The following CSMD1 variants were observed in gnomAD, a reference collection of about 807,000 sequenced individuals.
CSMD1 encodes the protein CUB and sushi domain-containing protein 1.
A neutral mutation model predicts 417.5 loss-of-function variants in CSMD1; 213 were observed. The ratio of observed to expected loss-of-function variants is 0.51; its 90% confidence interval spans 0.46 to 0.57. The LOEUF is 0.57. Among genes scored for constraint, CSMD1 ranks in the 20% least tolerant of loss-of-function variants. The pLI is 0.00. For synonymous variants in CSMD1, 2,862 were observed against 1,736.8 expected (o/e 1.65, Z -16.11); for missense variants, 6,923 against 4,529.7 (o/e 1.53, Z -15.17).
chr8:3,658,175 A>G (rs1798225244), intron 7 of CSMD1, among the ~76,000 whole-genome samples: 1 of 152,154 alleles, frequency 6.6e-6, no homozygotes, highest in South Asian at 2.1e-4. Context: ...ACTCCAGAAG[A>G]TACAATTTTC....
At position 3,443,156 on chromosome 8, in the gene CSMD1, G is replaced by C. The variant is rs144457203; in HGVS notation, c.1561+25556C>G. Among the ~76,000 whole-genome samples the C allele has an allele frequency of 1.2e-4, 18 of 152,238 alleles. No homozygotes were observed. The East Asian group carries it at 1.9e-3, about 16-fold the overall frequency. Reference sequence around the variant, plus strand: ...GTGAGCAGTGTACACTGCACACCACGTGTCACCTTCTGCTGCAAAAAAATG... The same window carrying C: ...GTGAGCAGTGTACACTGCACACCACCTGTCACCTTCTGCTGCAAAAAAATG... On this transcript the variant is annotated intron_variant, in intron 12 of 69. Coordinates refer to ENST00000635120, the MANE Select transcript of CSMD1 (RefSeq NM_033225.6).
At chr8:3,918,287 T>G (rs991021173) in intron 5 of CSMD1, among the ~76,000 whole-genome samples, 4 of 152,090 alleles carry the variant, frequency 2.6e-5, no homozygotes, top group Admixed American at 2.0e-4. Context: ...CAAACTCTTT[T>G]CATAAGGACT....
chr8:3,819,957 C>G (rs2623651), intron 5 of CSMD1, among the ~76,000 whole-genome samples: 9,027 of 152,186 alleles, frequency 0.059, 570 homozygotes, highest in African/African-American at 0.15. Flanking sequence ...AATAATTCAT[C>G]GTTTCCCGAA....
chr8:3,206,567 G>GTGTGTGTGTGTA (rs1186424382), intron 30 of CSMD1, among the ~76,000 whole-genome samples: 1 of 12,216 alleles, frequency 8.2e-5, no homozygotes, highest in African/African-American at 2.4e-4. Flanking sequence ...GTGTGTGTAT[G>GTGTGTGTGTGTA]TGTGTGTGTG....
chr8:4,310,895 G>A (rs944047636), intron 3 of CSMD1, among the ~76,000 whole-genome samples: 4 of 152,114 alleles, frequency 2.6e-5, no homozygotes, highest in African/African-American at 9.6e-5. Context: ...ACAAGCATAT[G>A]AAAAAAAGCT....
At chr8:4,491,239 G>C (rs538365192) in intron 2 of CSMD1, among the ~76,000 whole-genome samples, 5 of 152,102 alleles carry the variant, frequency 3.3e-5, no homozygotes, top group Non-Finnish European at 7.4e-5. Context: ...ATACTAAAAA[G>C]AAGAAAGAAA....
In CSMD1 at chr8:4,152,563, A is replaced by C. The variant is rs538456105; in HGVS notation, c.416-120464T>G. On this transcript the variant is annotated intron_variant, in intron 3 of 69. Transcript: ENST00000635120. ...AAATTAGCTAGTCATGGTGGTGCAC[A>C]CTTGTGTTCCCAACTCCTTGGGAGG... 6.6e-5 allele frequency among the ~76,000 whole-genome samples: 10 copies of C among 151,778 alleles called. No homozygotes were observed. In the East Asian group the frequency reaches 1.8e-3, roughly 27 times the overall value.
At chr8:3,654,522 G>C (rs1402549685) in intron 7 of CSMD1, among the ~76,000 whole-genome samples, 1 of 152,138 alleles carries the variant, frequency 6.6e-6, no homozygotes, top group Non-Finnish European at 1.5e-5. Context: ...ACTGTTAGGA[G>C]AACTTACAAA....
At chr8:4,775,562 T>C (rs1385130204) in intron 1 of CSMD1, among the ~76,000 whole-genome samples, 4 of 152,162 alleles carry the variant, frequency 2.6e-5, no homozygotes, top group Non-Finnish European at 2.9e-5. Flanking sequence ...TATGATTTAT[T>C]TATGAAAGAC....
At chr8:4,401,058 T>C (rs1804614488) in intron 3 of CSMD1, among the ~76,000 whole-genome samples, 2 of 152,182 alleles carry the variant, frequency 1.3e-5, no homozygotes, top group African/African-American at 4.8e-5. Context: ...CAATATGATA[T>C]ACTTGATTTT....
intron 20 of CSMD1, among the ~76,000 whole-genome samples, chr8:3,366,160 G>A (rs1809554100): frequency 6.6e-6 from 1 of 152,168 alleles, no homozygotes; most frequent in South Asian, 2.1e-4. Context: ...TTCGTCCAAA[G>A]CATCATATGC....
At chr8:3,346,813 G>A (rs1808033728) in intron 22 of CSMD1, among the ~76,000 whole-genome samples, 3 of 152,222 alleles carry the variant, frequency 2.0e-5, no homozygotes, top group Admixed American at 6.5e-5. Context: ...AATCTAAAAT[G>A]CATCATTATG....
chr8:4,816,451 C>G (rs758063829), intron 1 of CSMD1, among the ~76,000 whole-genome samples: 1 of 152,110 alleles, frequency 6.6e-6, no homozygotes, highest in Non-Finnish European at 1.5e-5. Context: ...TCGTCCCAAA[C>G]TCCTGACCTC....
At chr8:3,269,582 C>A (rs1179362655) in intron 26 of CSMD1, among the ~76,000 whole-genome samples, 1 of 152,190 alleles carries the variant, frequency 6.6e-6, no homozygotes, top group East Asian at 1.9e-4. Flanking sequence ...ACGGAGAAAT[C>A]AATCTCGCAA....
chr8:4,992,570 T>A (rs554629343), intron 1 of CSMD1, among the ~76,000 whole-genome samples: 1 of 152,254 alleles, frequency 6.6e-6, no homozygotes, highest in East Asian at 1.9e-4. Flanking sequence ...TCCTGTCCCT[T>A]GGGCTCCTGC....
At chr8:4,372,636 A>G (rs1320669891) in intron 3 of CSMD1, among the ~76,000 whole-genome samples, 1 of 67,448 alleles carries the variant, frequency 1.5e-5, no homozygotes, top group African/African-American at 7.8e-5. Flanking sequence ...AGTGTTAAAA[A>G]AAAAAAAAAA....
At chr8:4,184,317 A>C (rs181826401) in intron 3 of CSMD1, among the ~76,000 whole-genome samples, 5 of 152,192 alleles carry the variant, frequency 3.3e-5, no homozygotes, top group African/African-American at 1.2e-4. Flanking sequence ...GCTAACTCTT[A>C]AACATGAGTT....
intron 5 of CSMD1, among the ~76,000 whole-genome samples, chr8:3,819,843 C>T (rs190205849): frequency 1.3e-5 from 2 of 152,168 alleles, no homozygotes; most frequent in South Asian, 2.1e-4. Flanking sequence ...TCGCACCTGG[C>T]CTGAAAGTGA....
At chr8:3,667,685 T>C (rs552622021) in intron 7 of CSMD1, among the ~76,000 whole-genome samples, 1 of 152,150 alleles carries the variant, frequency 6.6e-6, no homozygotes, top group African/African-American at 2.4e-5. Flanking sequence ...CCACGCATGG[T>C]GATGACTGAA....
Sources: allele counts gnomAD v4.1 joint callset (sites outside exome capture counted in the v4.1 genomes callset), GRCh38; gene constraint gnomAD v4.1.1; transcripts MANE v1.5; gene names NCBI Gene and HGNC (gene_info 2026-07-23, HGNC 2026-07-21).